ZDHHC2: variants seen among roughly 807,000 people sequenced by gnomAD.
ZDHHC2 encodes palmitoyltransferase ZDHHC2.
In ZDHHC2, 51 loss-of-function variants were observed where a neutral mutation model predicts 55.6. That is an observed-to-expected ratio of 0.92 (90% CI 0.73 to 1.16). The LOEUF (loss-of-function observed/expected upper bound fraction) is 1.16. Ranked by LOEUF, ZDHHC2 falls within the 50% of genes most tolerant of loss-of-function variation. The pLI is 0.00. For missense variants in ZDHHC2, 491 were observed against 442.4 expected, an observed-to-expected ratio of 1.11 and a Z score of -0.99; for synonymous variants, 199 against 152.9, an observed-to-expected ratio of 1.30 and a Z score of -2.22.
At chr8:17,177,065 A>C (rs555195477) in intron 1 of ZDHHC2, among the ~76,000 whole-genome samples, 1 of 152,336 alleles carries the variant, frequency 6.6e-6, no homozygotes, top group South Asian at 2.1e-4. Flanking sequence ...TTTGGAAAGT[A>C]GCTAAAAGGA....
At chr8:17,202,859 C>G (rs1806871818) in intron 6 of ZDHHC2, among the ~76,000 whole-genome samples, 1 of 151,986 alleles carries the variant, frequency 6.6e-6, no homozygotes, top group South Asian at 2.1e-4. Context: ...CTAGCTCTAG[C>G]ATGGCAAATT....
Position 17,156,855 on chromosome 8 carries a change from T to A in ZDHHC2, c.130+2T>A. ...CCTACGCCATCCAGCTGTGCATAGG[T>A]GAGTGCGCCCCCCGCCGCGGCGCCC... On this transcript the variant is annotated splice_donor_variant, in intron 1 of 12. Transcript: ENST00000262096. LOFTEE classifies it high-confidence loss of function. The A allele has an allele frequency of 6.7e-7, 1 of 1,494,166 alleles. No homozygotes were observed. Among genetic ancestry groups the A allele is most frequent in the East Asian group, 2.9e-5 (1 of 34,426 alleles). 92.6% of individuals were successfully genotyped at this position (1,494,166 alleles called of 1,614,324 possible). A position where few individuals can be genotyped will look rare whatever the true frequency, so the allele number is the denominator to read the frequency against.
intron 1 of ZDHHC2, among the ~76,000 whole-genome samples, chr8:17,181,329 A>G (rs975073587): frequency 1.3e-5 from 2 of 152,238 alleles, no homozygotes; most frequent in African/African-American, 4.8e-5. Flanking sequence ...ATGATCCAGC[A>G]GAGCTGGAAG....
chr8:17,190,774 C>T (rs924281047), intron 3 of ZDHHC2, among the ~76,000 whole-genome samples: 14 of 151,776 alleles, frequency 9.2e-5, no homozygotes, highest in Non-Finnish European at 1.9e-4. Context: ...TATTTTGATA[C>T]AGGCATGCAA....
intron 7 of ZDHHC2, among the ~76,000 whole-genome samples, chr8:17,206,206 G>A (rs538343770): frequency 2.0e-5 from 3 of 152,280 alleles, no homozygotes; most frequent in Admixed American, 1.3e-4. Flanking sequence ...GTGGTCTAAT[G>A]TTTCTAAACA....
In ZDHHC2 at chr8:17,213,246, AT is replaced by A. The variant is rs928080851; in HGVS notation, c.951-1981del. On this transcript the variant is annotated intron_variant, in intron 10 of 12. Coordinates refer to ENST00000262096, the MANE Select transcript of ZDHHC2 (RefSeq NM_016353.5). ...TTCTCCGCCTCTTCCTGTTACACTG[AT>A]TTTTTTTTTCTTTTTTTTTCTTTTT... Among the ~76,000 whole-genome samples, 429 of 147,112 alleles carry A rather than the reference AT, an allele frequency of 2.9e-3. 2 individuals carry two copies. The highest frequency in any genetic ancestry group is 9.3e-3 in the African/African-American group (369 of 39,832).
chr8:17,175,740 G>A (rs1045258921), intron 1 of ZDHHC2, among the ~76,000 whole-genome samples: 2 of 152,144 alleles, frequency 1.3e-5, no homozygotes, highest in Non-Finnish European at 2.9e-5. Flanking sequence ...TGAGGGTCAT[G>A]GAAAAGACAC....
chr8:17,189,915 G>T (rs1481646901), intron 3 of ZDHHC2, among the ~76,000 whole-genome samples: 1 of 152,058 alleles, frequency 6.6e-6, no homozygotes, highest in South Asian at 2.1e-4. Context: ...AACAATTAAG[G>T]TATCTAGTGC....
intron 1 of ZDHHC2, among the ~76,000 whole-genome samples, chr8:17,181,815 A>C (rs1220088366): frequency 6.6e-6 from 1 of 152,144 alleles, no homozygotes; most frequent in East Asian, 1.9e-4. Flanking sequence ...ATGAGTCTCT[A>C]TTTTTCATAT....
chr8:17,172,123 G>A (rs1002471034), intron 1 of ZDHHC2, among the ~76,000 whole-genome samples: 10 of 151,996 alleles, frequency 6.6e-5, no homozygotes, highest in Non-Finnish European at 1.3e-4. Context: ...CCCTGCACCT[G>A]GAACTGTTTA....
chr8:17,207,283 C>T (rs1807150094), intron 7 of ZDHHC2, among the ~76,000 whole-genome samples: 1 of 152,118 alleles, frequency 6.6e-6, no homozygotes, highest in Non-Finnish European at 1.5e-5. Flanking sequence ...TAGAGCCATT[C>T]CAGGTCTCTT....
intron 1 of ZDHHC2, among the ~76,000 whole-genome samples, chr8:17,166,286 G>T (rs1388548848): frequency 6.6e-6 from 1 of 152,192 alleles, no homozygotes; most frequent in East Asian, 1.9e-4. Context: ...TTACAGTAGC[G>T]ACAGCAGAAC....
At position 17,210,421 on chromosome 8, in the gene ZDHHC2, T is replaced by A. The variant is rs1282071144; in HGVS notation, c.891T>A (p.Leu297=). 6.2e-7 allele frequency: 1 copy of A among 1,613,504 alleles called. No individual in the cohort carries two copies. Among genetic ancestry groups the A allele is most frequent in the Non-Finnish European group, 8.5e-7 (1 of 1,179,662 alleles). The change falls in exon 10 of 13, where the codon CTT becomes CTA. Residue 297 remains leucine, a synonymous_variant. Coordinates refer to ENST00000262096, the MANE Select transcript of ZDHHC2 (RefSeq NM_016353.5). ...ATGGCTGCTCCTTTCCAACTTGCCT[T>A]GTTAACCAGGATCCTGAACAAGCAT... is the stretch of plus-strand genomic sequence containing the variant. ...LGDGCSFPTC[L]VNQDPEQAST... is the part of the protein sequence containing the mutation.
intron 8 of ZDHHC2, among the ~76,000 whole-genome samples, chr8:17,209,463 G>A (rs1052962304): frequency 6.6e-6 from 1 of 152,006 alleles, no homozygotes; most frequent in Non-Finnish European, 1.5e-5. Context: ...CTCCACTCTG[G>A]GCAACAGAGT....
At chr8:17,216,312 C>T (rs762955055) in intron 11 of ZDHHC2, among the ~76,000 whole-genome samples, 7 of 152,146 alleles carry the variant, frequency 4.6e-5, no homozygotes, top group Non-Finnish European at 8.8e-5. Context: ...AGTAAATATT[C>T]TAGTCATTAT....
chr8:17,207,702 CTA>C (rs1433946620), intron 7 of ZDHHC2, among the ~76,000 whole-genome samples: 1 of 151,808 alleles, frequency 6.6e-6, no homozygotes, highest in Admixed American at 6.6e-5. Flanking sequence ...CATAAATTTT[CTA>C]TGATTTGGTT....
chr8:17,199,499 C>CG (rs1186085408), intron 6 of ZDHHC2, among the ~76,000 whole-genome samples: 2 of 37,922 alleles, frequency 5.3e-5, no homozygotes, highest in Non-Finnish European at 7.2e-5. Flanking sequence ...TCTTCTTCTT[C>CG]TTCTTCTTCT....
chr8:17,203,817 T>C (rs887337969), intron 6 of ZDHHC2, among the ~76,000 whole-genome samples: 2 of 150,536 alleles, frequency 1.3e-5, no homozygotes, highest in Non-Finnish European at 3.0e-5. Context: ...TTCTTTTTTT[T>C]TTTTTTTTTG....
chr8:17,218,535 T>C (rs1468901783), intron 12 of ZDHHC2, among the ~76,000 whole-genome samples: 1 of 152,182 alleles, frequency 6.6e-6, no homozygotes, highest in Non-Finnish European at 1.5e-5. Flanking sequence ...CTTCCCAGTA[T>C]TTTGACAATA....
Sources: allele counts gnomAD v4.1 joint callset (sites outside exome capture counted in the v4.1 genomes callset), GRCh38; gene constraint gnomAD v4.1.1; transcripts MANE v1.5; gene names NCBI Gene and HGNC (gene_info 2026-07-23, HGNC 2026-07-21).